The following PDZD2 variants were observed in gnomAD, a reference collection of about 807,000 sequenced individuals.
PDZD2 encodes the protein PDZ domain containing 2, also known as PDZ domain-containing protein 2.
Under a neutral mutation model 220.7 loss-of-function variants are expected in PDZD2, and 90 were observed. The ratio of observed to expected loss-of-function variants is 0.41; its 90% CI spans 0.34 to 0.49. PDZD2 has a LOEUF of 0.49. PDZD2 is among the 20% of genes least tolerant of loss of function. PDZD2 has a pLI of 0.28. For missense variants in PDZD2, 3,174 were observed against 3,608.5 expected (o/e 0.88, Z 3.08); for synonymous variants, 1,375 against 1,450.5 (o/e 0.95, Z 1.18).
intron 3 of PDZD2, among the ~76,000 whole-genome samples, chr5:31,988,370 A>G (rs2111911092): frequency 6.7e-6 from 1 of 150,334 alleles, no homozygotes; most frequent in African/African-American, 2.4e-5. Flanking sequence ...AAGAATACAG[A>G]TGAAGAATTA....
At chr5:31,817,923 CGAA>C (rs1561482889) in intron 2 of PDZD2, among the ~76,000 whole-genome samples, 1 of 150,634 alleles carries the variant, frequency 6.6e-6, no homozygotes, top group Non-Finnish European at 1.5e-5. Flanking sequence ...CTTGGCCTCC[CGAA>C]GTACTGGGAT....
At chr5:31,854,762 A>T (rs1050181409) in intron 2 of PDZD2, among the ~76,000 whole-genome samples, 1 of 152,104 alleles carries the variant, frequency 6.6e-6, no homozygotes, top group Non-Finnish European at 1.5e-5. Flanking sequence ...AATCCTCCCC[A>T]GGGCGGTTTC....
chr5:31,956,163 T>C (rs970830170), intron 2 of PDZD2, among the ~76,000 whole-genome samples: 3 of 152,122 alleles, frequency 2.0e-5, no homozygotes, highest in Non-Finnish European at 2.9e-5. Context: ...TCAAGTCCAC[T>C]GTTTGCTTAT....
chr5:32,071,448 C>T, intron 16 of PDZD2, 30 bp downstream of exon 16: 1 of 1,572,548 alleles, frequency 6.4e-7, no homozygotes, highest in African/African-American at 1.3e-5. Flanking sequence ...TACCTGCCTC[C>T]CTCAGCTGGA....
chr5:31,694,533 C>T (rs542638248), intron 1 of PDZD2, among the ~76,000 whole-genome samples: 43 of 152,282 alleles, frequency 2.8e-4, no homozygotes, highest in African/African-American at 9.6e-4. Context: ...TCTACATTTT[C>T]TCGTGTTTTT....
chr5:31,669,261 G>A (rs1448487604), intron 1 of PDZD2, among the ~76,000 whole-genome samples: 1 of 152,006 alleles, frequency 6.6e-6, no homozygotes, highest in Non-Finnish European at 1.5e-5. Flanking sequence ...AATTAGGCAG[G>A]GGTAGTTGCA....
chr5:31,847,664 G>A, intron 2 of PDZD2: 1 of 611,740 alleles, frequency 1.6e-6, no homozygotes. Flanking sequence ...AATGTGGAAA[G>A]CATTGATGGC....
chr5:31,788,994 A>C (rs974474780), intron 1 of PDZD2, among the ~76,000 whole-genome samples: 6 of 152,236 alleles, frequency 3.9e-5, no homozygotes, highest in African/African-American at 1.2e-4. Context: ...TCTGAGGGTG[A>C]AAAGTGAATG....
chr5:31,739,088 G>A (rs955584478), intron 1 of PDZD2, among the ~76,000 whole-genome samples: 4 of 152,096 alleles, frequency 2.6e-5, no homozygotes, highest in African/African-American at 9.7e-5. Context: ...GTTTCACCAT[G>A]TTGGCCAGGC....
rs151267005 is a variant in PDZD2 at position 32,091,071 on chromosome 5, A to G, written c.7623A>G (p.Pro2541=). Residue 2541 remains proline (P), a synonymous_variant, in exon 20 of 25, where the codon CCA becomes CCG. Transcript: ENST00000438447. ...CPEKGGNRAC[P]GGSGPKTSAA... ...AGAAGGGCGGGAACAGGGCCTGTCC[A>G]GGAGGAAGTGGCCCTAAAACCAGTG... 58 of 1,611,806 alleles carry G rather than the reference A, an allele frequency of 3.6e-5. No individual in the cohort carries two copies. The highest frequency in any genetic ancestry group is 1.3e-4 in the Admixed American group (8 of 59,972).
intron 1 of PDZD2, among the ~76,000 whole-genome samples, chr5:31,707,355 G>C: frequency 6.6e-6 from 1 of 151,738 alleles, no homozygotes; most frequent in East Asian, 1.9e-4. Flanking sequence ...AAAAGGACTG[G>C]TGTCCTTAGA....
chr5:31,822,752 T>C (rs1755962052), intron 2 of PDZD2: 2 of 1,133,786 alleles, frequency 1.8e-6, no homozygotes, highest in South Asian at 1.2e-5. Flanking sequence ...ACACCTGGCC[T>C]CATCCAAATC....
At chr5:31,946,559 A>G (rs1467320967) in intron 2 of PDZD2, among the ~76,000 whole-genome samples, 1 of 152,162 alleles carries the variant, frequency 6.6e-6, no homozygotes, top group African/African-American at 2.4e-5. Context: ...CTGTCCTACC[A>G]CCAGTGAGTG....
At chr5:31,797,824 C>CATT (rs1754136707) in intron 1 of PDZD2, among the ~76,000 whole-genome samples, 1 of 152,188 alleles carries the variant, frequency 6.6e-6, no homozygotes, top group Non-Finnish European at 1.5e-5. Flanking sequence ...CTCTCCCATG[C>CATT]ATTATTGTTC....
intron 2 of PDZD2, among the ~76,000 whole-genome samples, chr5:31,896,773 A>G (rs1741609771): frequency 6.6e-6 from 1 of 152,202 alleles, no homozygotes; most frequent in African/African-American, 2.4e-5. Context: ...CAGCTCTGGC[A>G]ACATAGACCC....
chr5:32,089,635 G>A lies in PDZD2; in HGVS notation c.6187G>A (p.Ala2063Thr). 1.2e-6 allele frequency: 2 copies of A among 1,613,730 alleles called. No homozygotes were observed. The highest frequency in any genetic ancestry group is 1.7e-6 in the Non-Finnish European group (2 of 1,179,954). ...SEPRLASHVA[A>T]DTAQPRPTGE... ...GCCGCGCCTGGCCAGCCATGTGGCAGCAGACACAGCCCAACCCAGGCCGAC... is the reference window on the plus strand; with the variant it reads ...GCCGCGCCTGGCCAGCCATGTGGCAACAGACACAGCCCAACCCAGGCCGAC... Residue 2063 changes from alanine (A) to threonine (T), a missense_variant, in exon 20 of 25, where the codon GCA (alanine) becomes ACA (threonine). By Grantham distance (58) the Ala-to-Thr change is moderately conservative. Around this residue, in one of 4 missense-constraint regions of PDZD2, gnomAD observed 1,861 missense variants for 2,001.0 expected, o/e 0.93. Coordinates refer to ENST00000438447, the MANE Select transcript of PDZD2 (RefSeq NM_178140.4).
intron 2 of PDZD2, among the ~76,000 whole-genome samples, chr5:31,973,675 A>G (rs572775966): frequency 1.3e-4 from 19 of 151,762 alleles, no homozygotes; most frequent in Non-Finnish European, 2.6e-4. Context: ...TAAAATATCT[A>G]TCTCTTTCTT....
At chr5:31,966,295 T>C (rs942109123) in intron 2 of PDZD2, among the ~76,000 whole-genome samples, 5 of 152,218 alleles carry the variant, frequency 3.3e-5, no homozygotes, top group Non-Finnish European at 7.3e-5. Context: ...GTAGTTAATA[T>C]TGTACCTCCC....
intron 2 of PDZD2, among the ~76,000 whole-genome samples, chr5:31,817,810 C>T (rs1360152887): frequency 1.7e-4 from 26 of 151,908 alleles, no homozygotes; most frequent in African/African-American, 6.0e-4. Context: ...ACTACTGGCA[C>T]ACACCACCAA....
Sources: allele counts gnomAD v4.1 joint callset (sites outside exome capture counted in the v4.1 genomes callset), GRCh38; gene constraint gnomAD v4.1.1; regional missense constraint gnomAD v4.1.1; transcripts MANE v1.5; gene names NCBI Gene and HGNC (gene_info 2026-07-23, HGNC 2026-07-21).